The following ZFPM1 variants were observed in gnomAD, a reference collection of about 807,000 sequenced individuals.
ZFPM1 encodes the protein zinc finger protein ZFPM1.
In ZFPM1, 28 loss-of-function variants were observed where a neutral mutation model predicts 46.3. The ratio of observed to expected loss-of-function variants is 0.60; its 90% confidence interval spans 0.45 to 0.83. The LOEUF (loss-of-function observed/expected upper bound fraction) is 0.83, where lower values mean the gene tolerates loss of function less well. ZFPM1 is among the 40% of genes least tolerant of loss of function. The pLI is 0.00. For synonymous variants in ZFPM1, 957 were observed against 675.9 expected, an observed-to-expected ratio of 1.42 and a Z score of -6.45; for missense variants, 1,878 against 1,432.4, an observed-to-expected ratio of 1.31 and a Z score of -5.02.
Position 88,453,689 on chromosome 16 carries a change from CT to C in ZFPM1, c.40+14del. On this transcript the variant is annotated intron_variant, in intron 1 of 9. Coordinates refer to ENST00000319555, the MANE Select transcript of ZFPM1 (RefSeq NM_153813.3). The stretch of plus-strand genomic sequence containing the variant: ...CCCGGCAGATCAAGCGTGAGTCAAA[CT>C]TTGCCCGCGGTCCCCTCCGCGCGCC... 8.4e-7 allele frequency: 1 copy of C among 1,195,476 alleles called. No homozygotes were observed. The highest frequency in any genetic ancestry group is 1.1e-6 in the Non-Finnish European group (1 of 947,012). 74.1% of individuals were successfully genotyped at this position (1,195,476 alleles called of 1,614,324 possible).
intron 1 of ZFPM1, among the ~76,000 whole-genome samples, chr16:88,461,762 C>G (rs1907902378): frequency 2.0e-5 from 3 of 152,158 alleles, no homozygotes; most frequent in Admixed American, 1.3e-4. Flanking sequence ...GTGTGCCACG[C>G]CCTGGACTGG....
intron 3 of ZFPM1, among the ~76,000 whole-genome samples, chr16:88,504,763 A>G (rs1173041556): frequency 6.6e-6 from 1 of 152,200 alleles, no homozygotes; most frequent in Non-Finnish European, 1.5e-5. Context: ...AGGGGTTCAG[A>G]CAGGCAAGAC....
In ZFPM1 at chr16:88,480,234, C is replaced by T. The variant is rs146621481; in HGVS notation, c.41-5705C>T. Among the ~76,000 whole-genome samples, 81 of 152,242 alleles carry T rather than the reference C, an allele frequency of 5.3e-4. No homozygotes were observed. The highest frequency in any genetic ancestry group is 1.7e-3 in the African/African-American group (69 of 41,522). On this transcript the variant is annotated intron_variant, in intron 1 of 9. Coordinates refer to ENST00000319555, the MANE Select transcript of ZFPM1 (RefSeq NM_153813.3). The surrounding 1 kb of genome is among the most constrained non-coding windows in gnomAD (Gnocchi z 4.9). ...TCCAGGAAGCCTTCCTGGATGGCAC[C>T]TCTGACTCTTTCCTGTGGTGCTCAC...
chr16:88,464,637 C>G lies in ZFPM1; in HGVS notation c.40+10959C>G, dbSNP rs1336127002. 2.0e-5 allele frequency among the ~76,000 whole-genome samples: 3 copies of G among 152,280 alleles called. No homozygotes were observed. In the East Asian group the frequency reaches 5.8e-4, roughly 29 times the overall value. The stretch of plus-strand genomic sequence containing the variant: ...GCCATGGCAATGGTCGGTGGGCACC[C>G]AGGCCCTCTGGGGCCCTGGCTCAAG... On this transcript the variant is annotated intron_variant, in intron 1 of 9. Coordinates refer to ENST00000319555, the MANE Select transcript of ZFPM1 (RefSeq NM_153813.3).
At chr16:88,459,607 C>T (rs1241729488) in intron 1 of ZFPM1, among the ~76,000 whole-genome samples, 91 of 118,538 alleles carry the variant, frequency 7.7e-4, no homozygotes, top group Non-Finnish European at 7.4e-4. Flanking sequence ...TCTTTCTCCT[C>T]CCCCTCCTCT....
At chr16:88,526,663 G>C (rs1235634151) in intron 4 of ZFPM1, 151 bp from the exon 5 acceptor site, 1 of 833,444 alleles carries the variant, frequency 1.2e-6, no homozygotes, top group Non-Finnish European at 1.9e-6. Context: ...CCACACCTCT[G>C]CCAGCTCTTG....
intron 3 of ZFPM1, among the ~76,000 whole-genome samples, chr16:88,503,326 TGGAG>T: frequency 9.4e-6 from 1 of 106,800 alleles, no homozygotes; most frequent in Admixed American, 9.6e-5. Context: ...GGTTCCTGAG[TGGAG>T]GGATCTGTGT....
chr16:88,482,724 C>T (rs994840181), intron 1 of ZFPM1, among the ~76,000 whole-genome samples: 1 of 152,216 alleles, frequency 6.6e-6, no homozygotes, highest in Non-Finnish European at 1.5e-5. Flanking sequence ...CACTGAGGCC[C>T]TGATGCCCTA....
chr16:88,524,738 CCT>C (rs1214059517), intron 4 of ZFPM1, among the ~76,000 whole-genome samples: 1 of 152,188 alleles, frequency 6.6e-6, no homozygotes, highest in Admixed American at 6.5e-5. Context: ...GACTGACCCC[CCT>C]GAGACTGCCC....
chr16:88,534,043 C>A lies in ZFPM1; in HGVS notation c.2085C>A (p.His695Gln). ...CEACNIRFSR[H>Q]ETYTVHKRYY... ...CCTGCAACATCCGCTTCAGCCGCCACGAGACCTACACCGTGCACAAGCGGT... is the reference window on the plus strand; with the variant it reads ...CCTGCAACATCCGCTTCAGCCGCCAAGAGACCTACACCGTGCACAAGCGGT... Residue 695 changes from histidine (H) to glutamine (Q), a missense_variant, in exon 10 of 10, where the codon CAC becomes CAA. Physicochemically the swap from His to Gln is conservative, Grantham distance 24 (BLOSUM62 0). Coordinates refer to ENST00000319555, the MANE Select transcript of ZFPM1 (RefSeq NM_153813.3). The A allele has an allele frequency of 7.4e-7, 1 of 1,350,762 alleles. No homozygotes were observed. Among genetic ancestry groups the A allele is most frequent in the South Asian group, 1.2e-5 (1 of 81,330 alleles). 83.7% of individuals were successfully genotyped at this position (1,350,762 alleles called of 1,614,324 possible).
In ZFPM1 at chr16:88,533,839, C is replaced by A; in HGVS notation, c.1881C>A (p.Gly627=). 1 of 989,000 alleles carries A rather than the reference C, an allele frequency of 1.0e-6. No homozygotes were observed. Among genetic ancestry groups the A allele is most frequent in the Non-Finnish European group, 1.2e-6 (1 of 832,272 alleles). The allele number at this position is 989,000 out of a possible 1,614,324, so 61.3% of individuals were successfully genotyped here. A position where few individuals can be genotyped will look rare whatever the true frequency, so the allele number is the denominator to read the frequency against. ...CCGGCCCGGCCCGCGCGCCCCCCGG[C>A]CAGCCCGCCGAACCCGACGCGCCGC... ...APPGPARAPP[G]QPAEPDAPRS... The change falls in exon 10 of 10, where the codon GGC becomes GGA. Residue 627 remains glycine (G), a synonymous_variant. Coordinates refer to ENST00000319555, the MANE Select transcript of ZFPM1 (RefSeq NM_153813.3).
rs542686757 is a variant in ZFPM1 at position 88,487,391 on chromosome 16, G to T, written c.145+1348G>T. On this transcript the variant is annotated intron_variant, in intron 2 of 9. Transcript: ENST00000319555. ...CCCACTCCAACGTGGAGGGGATGTG[G>T]CCATACCCGGACCATTTGGGAGGAT... 1.7e-3 allele frequency among the ~76,000 whole-genome samples: 261 copies of T among 152,354 alleles called. 1 individual carries two copies. The highest frequency in any genetic ancestry group is 5.4e-3 in the African/African-American group (224 of 41,576).
At chr16:88,457,192 G>A (rs964032451) in intron 1 of ZFPM1, among the ~76,000 whole-genome samples, 4 of 152,228 alleles carry the variant, frequency 2.6e-5, no homozygotes, top group African/African-American at 9.6e-5. Context: ...GGGAGATGGG[G>A]TGGTTTCTGT....
chr16:88,520,645 ATGGGTGGATGGATGGGAGGG>A (rs1911786164), intron 4 of ZFPM1, among the ~76,000 whole-genome samples: 1 of 84,076 alleles, frequency 1.2e-5, no homozygotes, highest in Admixed American at 1.4e-4. Flanking sequence ...GGATAGATGG[ATGGGTGGATGGATGGGAGGG>A]TGGGTGGATG....
intron 2 of ZFPM1, among the ~76,000 whole-genome samples, chr16:88,488,682 G>A (rs1057216794): frequency 6.6e-6 from 1 of 152,150 alleles, no homozygotes; most frequent in Admixed American, 6.5e-5. Flanking sequence ...GCAGGGCCTG[G>A]TGGAGGGGCC....
At chr16:88,456,573 G>C (rs1386177484) in intron 1 of ZFPM1, among the ~76,000 whole-genome samples, 1 of 152,186 alleles carries the variant, frequency 6.6e-6, no homozygotes, top group Admixed American at 6.5e-5. Context: ...GCCAAGGGGA[G>C]CAGGGGGCAC....
rs751526032 is a variant in ZFPM1, at chr16:88,533,706, A to C, written c.1748A>C (p.Glu583Ala). 40 of 1,511,446 alleles carry C rather than the reference A, an allele frequency of 2.6e-5. 1 individual carries two copies. In the East Asian group the frequency reaches 1.1e-3, roughly 42 times the overall value. The allele number at this position is 1,511,446 out of a possible 1,614,324, so 93.6% of individuals were successfully genotyped here. A position where few individuals can be genotyped will look rare whatever the true frequency, so the allele number is the denominator to read the frequency against. The change falls in exon 10 of 10, where the codon GAG becomes GCG. Residue 583 changes from glutamate to alanine, a missense_variant. Coordinates refer to ENST00000319555, the MANE Select transcript of ZFPM1 (RefSeq NM_153813.3). ...APKGATCFEC[E>A]ITFSNVNNYY... is the part of the protein sequence containing the mutation. The stretch of plus-strand genomic sequence containing the variant: ...AAGGGCGCTACGTGCTTCGAGTGCG[A>C]GATCACCTTCAGCAACGTCAACAAC...
rs1260927395 is a variant in ZFPM1 at position 88,532,603 on chromosome 16, C to T, written c.947-11C>T. 5.8e-6 allele frequency: 9 copies of T among 1,558,046 alleles called. No individual in the cohort carries two copies. The highest frequency in any genetic ancestry group is 7.8e-6 in the Non-Finnish European group (9 of 1,150,818). On this transcript the variant is annotated splice_polypyrimidine_tract_variant and intron_variant, in intron 7 of 9. Transcript: ENST00000319555. ...GGCCCGGGCACCGCTCTTACGCGCC[C>T]TGTGTTCCAGGAGAGCGGCCCTTCG...
At chr16:88,495,639 G>T (rs747142348) in intron 3 of ZFPM1, among the ~76,000 whole-genome samples, 1 of 152,138 alleles carries the variant, frequency 6.6e-6, no homozygotes, top group Non-Finnish European at 1.5e-5. Flanking sequence ...CGTGCCAAGG[G>T]TGCCATGCTA....
Sources: gnomAD v4.1 joint callset for allele counts (sites outside exome capture counted in the v4.1 genomes callset) on GRCh38, gnomAD v4.1.1 for gene constraint, Gnocchi (gnomAD v3.1) non-coding constraint, MANE v1.5 for transcripts, NCBI Gene and HGNC (gene_info 2026-07-23, HGNC 2026-07-21) for gene names.